Variants in SHANK2 observed in about 807,000 individuals in gnomAD.
SHANK2 encodes SH3 and multiple ankyrin repeat domains 2, also known as SH3 and multiple ankyrin repeat domains protein 2.
A neutral mutation model predicts 133.7 loss-of-function variants in SHANK2; 43 were observed. The ratio of observed to expected loss-of-function variants is 0.32; its 90% CI spans 0.25 to 0.41. SHANK2 has a LOEUF of 0.41. Ranked by LOEUF, SHANK2 falls within the 10% of genes least tolerant of loss-of-function variation. SHANK2 has a pLI of 1.00. For synonymous variants in SHANK2, 1,017 were observed against 952.8 expected, an observed-to-expected ratio of 1.07 and a Z score of -1.24; for missense variants, 1,994 against 2,235.8, an observed-to-expected ratio of 0.89 and a Z score of 2.18.
intron 14 of SHANK2, among the ~76,000 whole-genome samples, chr11:70,786,824 C>A (rs985088732): frequency 6.6e-6 from 1 of 152,156 alleles, no homozygotes; most frequent in Non-Finnish European, 1.5e-5. Flanking sequence ...CTAGCATCAT[C>A]CCTTTATCAT....
chr11:70,947,820 G>A (rs1950769782), intron 10 of SHANK2, among the ~76,000 whole-genome samples: 1 of 152,148 alleles, frequency 6.6e-6, no homozygotes, highest in African/African-American at 2.4e-5. Context: ...TTCCCATCCA[G>A]GATAGCATCT....
At chr11:70,563,058 G>C (rs1192332161) in intron 17 of SHANK2, among the ~76,000 whole-genome samples, 2 of 152,106 alleles carry the variant, frequency 1.3e-5, no homozygotes, top group Admixed American at 6.5e-5. Flanking sequence ...TTTTAGTAGA[G>C]AGGGGTTTCA....
chr11:71,233,215 C>T (rs1389207080), intron 1 of SHANK2, among the ~76,000 whole-genome samples: 1 of 152,070 alleles, frequency 6.6e-6, no homozygotes, highest in African/African-American at 2.4e-5. Context: ...TGGAGGTAAC[C>T]CCAACATCCC....
At chr11:70,717,724 C>A (rs1945972526) in intron 14 of SHANK2, among the ~76,000 whole-genome samples, 1 of 152,136 alleles carries the variant, frequency 6.6e-6, no homozygotes, top group South Asian at 2.1e-4. Flanking sequence ...CTGGGTGTGA[C>A]CATCTCACTC....
At chr11:71,101,756 T>C (rs6591878) in intron 6 of SHANK2, among the ~76,000 whole-genome samples, 2,825 of 152,274 alleles carry the variant, frequency 0.019, 90 homozygotes, top group African/African-American at 0.064. Flanking sequence ...CTCAGTGCAC[T>C]GGGACCCAGA....
chr11:70,756,709 G>A (rs1946880563), intron 14 of SHANK2, among the ~76,000 whole-genome samples: 1 of 152,204 alleles, frequency 6.6e-6, no homozygotes, highest in South Asian at 2.1e-4. Context: ...ACACTCTGGG[G>A]CACCAGGCAG....
At chr11:71,161,591 C>T (rs1555109916) in intron 2 of SHANK2, among the ~76,000 whole-genome samples, 1 of 152,222 alleles carries the variant, frequency 6.6e-6, no homozygotes, top group African/African-American at 2.4e-5. Flanking sequence ...CAGGTCTTTA[C>T]ATAATAACAA....
Position 70,470,413 on chromosome 11 carries a change from G to A in SHANK2, c.*2456C>T, listed in dbSNP as rs1321402267. On this transcript the variant is annotated 3_prime_UTR_variant, in exon 26 of 26. Coordinates refer to ENST00000601538, the MANE Select transcript of SHANK2 (RefSeq NM_012309.5). ...CCAAAGTTCAACAAACCGAAGTCAC[G>A]AGTTTCGACTGGTTATCGTCTGCCA... The A allele has an allele frequency of 6.6e-6, 1 of 152,344 alleles. No homozygotes were observed. The highest frequency in any genetic ancestry group is 2.4e-5 in the African/African-American group (1 of 41,436). The allele number at this position is 152,344 out of a possible 1,614,324, so 9.4% of individuals were successfully genotyped here. A position where few individuals can be genotyped will look rare whatever the true frequency, so the allele number is the denominator to read the frequency against.
intron 17 of SHANK2, among the ~76,000 whole-genome samples, chr11:70,578,444 C>G (rs544788001): frequency 6.6e-6 from 1 of 152,318 alleles, no homozygotes; most frequent in East Asian, 1.9e-4. Flanking sequence ...GGGGGACAGG[C>G]GCATCACGAC....
At chr11:70,622,573 G>A (rs1554998259) in intron 17 of SHANK2, among the ~76,000 whole-genome samples, 2 of 152,362 alleles carry the variant, frequency 1.3e-5, no homozygotes, top group East Asian at 1.9e-4. Context: ...CTCAGCTCCA[G>A]GGGCTGCGGC....
intron 2 of SHANK2, among the ~76,000 whole-genome samples, chr11:71,210,225 TATATATATATATATATATATATATA>T (rs1954232225): frequency 3.0e-5 from 2 of 66,420 alleles, no homozygotes; most frequent in African/African-American, 6.0e-5. Flanking sequence ...TATATATATA[TATATATATATATATATATATATATA>T]TATTTATTTA....
chr11:70,950,121 T>C (rs782175498), intron 10 of SHANK2: 5 of 456,290 alleles, frequency 1.1e-5, no homozygotes, highest in Admixed American at 7.0e-5. Flanking sequence ...GCAATGGCGC[T>C]GACCTCAGCT....
At chr11:70,703,433 T>G (rs1276828130) in intron 14 of SHANK2, among the ~76,000 whole-genome samples, 1 of 152,162 alleles carries the variant, frequency 6.6e-6, no homozygotes, top group African/African-American at 2.4e-5. Context: ...AGCCTCGGTT[T>G]CTAACCTGGA....
At chr11:71,162,019 A>G (rs1210068596) in intron 2 of SHANK2, among the ~76,000 whole-genome samples, 7 of 152,216 alleles carry the variant, frequency 4.6e-5, no homozygotes, top group African/African-American at 1.7e-4. Flanking sequence ...CTCTCCTTAC[A>G]CTGAATGAGA....
intron 17 of SHANK2, among the ~76,000 whole-genome samples, chr11:70,633,260 G>T (rs2061024591): frequency 6.8e-6 from 1 of 147,856 alleles, no homozygotes; most frequent in South Asian, 2.1e-4. Flanking sequence ...TATAAAACAT[G>T]TATAAGTATA....
chr11:70,507,193 C>T (rs973946649), intron 17 of SHANK2, among the ~76,000 whole-genome samples: 2 of 152,202 alleles, frequency 1.3e-5, no homozygotes, highest in African/African-American at 4.8e-5. Flanking sequence ...TGGGCCCTGA[C>T]GTCACCTTCT....
At chr11:70,617,455 C>CGAG (rs1231588847) in intron 17 of SHANK2, among the ~76,000 whole-genome samples, 4 of 151,500 alleles carry the variant, frequency 2.6e-5, no homozygotes, top group African/African-American at 7.3e-5. Flanking sequence ...GAAAGAAACG[C>CGAG]GAGGAACGGA....
intron 3 of SHANK2, among the ~76,000 whole-genome samples, chr11:71,129,642 TCAAAA>T (rs1369169972): frequency 1.3e-5 from 2 of 151,892 alleles, no homozygotes; most frequent in African/African-American, 2.4e-5. Flanking sequence ...AGACCCTGAC[TCAAAA>T]CAAAACAAAA....
At chr11:70,914,001 A>G (rs1480348492) in intron 10 of SHANK2, among the ~76,000 whole-genome samples, 3 of 152,202 alleles carry the variant, frequency 2.0e-5, no homozygotes, top group East Asian at 3.9e-4. Context: ...TTGCTTTTCA[A>G]TTAATCCACT....
Sources: allele counts gnomAD v4.1 joint callset (sites outside exome capture counted in the v4.1 genomes callset), GRCh38; gene constraint gnomAD v4.1.1; transcripts MANE v1.5; gene names NCBI Gene and HGNC (gene_info 2026-07-23, HGNC 2026-07-21).